The following BAHCC1 variants were observed in gnomAD, a reference collection of about 807,000 sequenced individuals.
BAHCC1 encodes the protein BAH domain and coiled-coil containing 1.
BAHCC1 carries 43 observed loss-of-function variants against 88.2 expected under a neutral mutation model. The observed-to-expected ratio is 0.49, with a 90% CI of 0.38 to 0.63. The LOEUF is 0.63. Ranked by LOEUF, BAHCC1 falls within the 20% of genes least tolerant of loss-of-function variation. The pLI, the probability that BAHCC1 is intolerant of heterozygous loss-of-function variation, is 0.00. For synonymous variants in BAHCC1, 1,510 were observed against 745.5 expected (o/e 2.03, Z -16.71); for missense variants, 3,023 against 1,654.8 (o/e 1.83, Z -14.34).
chr17:81,442,326 GC>G lies in BAHCC1; in HGVS notation c.983del (p.Pro328ArgfsTer60). ...GGGCGCTGTGCAAAGGAGGCAGCAG[GC>G]CCCCCGGAGCCCGGGCCGGCCTTCA... Reference protein sequence around the residue: ...TSGRCAKEAAGPPEPGPAFSE... With the variant: ...TSGRCAKEAAXPPEPGPAFSE... On this transcript the variant is annotated frameshift_variant, in exon 5 of 28. Coordinates refer to ENST00000675386, the MANE Select transcript of BAHCC1 (RefSeq NM_001377448.1). LOFTEE classifies it high-confidence loss of function. 7.4e-6 allele frequency: 5 copies of G among 679,362 alleles called. No homozygotes were observed. The highest frequency in any genetic ancestry group is 8.0e-6 in the Non-Finnish European group (3 of 373,488). 42.1% of individuals were successfully genotyped at this position (679,362 alleles called of 1,614,324 possible).
intron 1 of BAHCC1, among the ~76,000 whole-genome samples, chr17:81,398,456 A>AGCTGGGCGCCGCAGACCCTGGG (rs1330414872): frequency 2.0e-5 from 3 of 152,138 alleles, no homozygotes; most frequent in Non-Finnish European, 4.4e-5. Context: ...TAGAGGGCCG[A>AGCTGGGCGCCGCAGACCCTGGG]GCTGGGCGCC....
intron 11 of BAHCC1, among the ~76,000 whole-genome samples, chr17:81,449,815 C>T (rs1555655383): frequency 6.6e-6 from 1 of 152,190 alleles, no homozygotes; most frequent in Admixed American, 6.5e-5. Flanking sequence ...CGAGCACCTC[C>T]TGGCTTCTTA....
intron 14 of BAHCC1, among the ~76,000 whole-genome samples, chr17:81,453,634 G>T (rs557625731): frequency 4.0e-5 from 6 of 151,388 alleles, no homozygotes; most frequent in South Asian, 2.1e-4. Flanking sequence ...GTGTCTCCTG[G>T]GGGGGGGTCT....
chr17:81,432,700 TCC>T (rs2064278543), intron 3 of BAHCC1, among the ~76,000 whole-genome samples: 1 of 19,654 alleles, frequency 5.1e-5, no homozygotes. Flanking sequence ...CTCCCCCGCA[TCC>T]CCAGGCCCAC....
chr17:81,425,136 GA>G (rs1598471372), intron 2 of BAHCC1, among the ~76,000 whole-genome samples: 6 of 145,846 alleles, frequency 4.1e-5, no homozygotes, highest in African/African-American at 1.0e-4. Context: ...AGTGGTGGGT[GA>G]TGTGGTTGGG....
rs1217783410 is a variant in BAHCC1, at chr17:81,434,542, A to C, written c.359-3828A>C. 4.6e-5 allele frequency among the ~76,000 whole-genome samples: 7 copies of C among 152,058 alleles called. No homozygotes were observed. Among genetic ancestry groups the C allele is most frequent in the Non-Finnish European group, 7.4e-5 (5 of 68,002 alleles). On this transcript the variant is annotated intron_variant, in intron 3 of 27. Transcript: ENST00000675386. The surrounding 1 kb of genome is among the most constrained non-coding windows in gnomAD (Gnocchi z 4.9). Reference sequence around the variant, plus strand: ...CTGAGCCTGCAGCATCCTGGCCCTGAGCTCTGTGGCCCCAAGTGGGGCTTC... The same window carrying C: ...CTGAGCCTGCAGCATCCTGGCCCTGCGCTCTGTGGCCCCAAGTGGGGCTTC...
At position 81,452,003 on chromosome 17, in the gene BAHCC1, G is replaced by T; in HGVS notation, c.4212G>T (p.Leu1404=). ...CCCTGAAGGCCGCCATCGACCGGCT[G>T]GACACGCAGGAGGTGGGGATGCGCG... ...VCPLKAAIDR[L]DTQEVGMRVR... is the part of the protein sequence containing the mutation. Residue 1404 remains leucine (L), a synonymous_variant, in exon 13 of 28, where the codon CTG becomes CTT. Coordinates refer to ENST00000675386, the MANE Select transcript of BAHCC1 (RefSeq NM_001377448.1). The T allele has an allele frequency of 1.6e-6, 1 of 636,508 alleles. No individual in the cohort carries two copies. The allele number at this position is 636,508 out of a possible 1,614,324, so 39.4% of individuals were successfully genotyped here.
rs782200961 is a variant in BAHCC1, at chr17:81,452,123, C to T, written c.4316+16C>T. ...ACGACCATGAGTACGCCTGGCGTGG[C>T]GGGGGGGCCTGGGAGGGTCGCAGCA... On this transcript the variant is annotated intron_variant, in intron 13 of 27. Transcript: ENST00000675386. 6 of 605,088 alleles carry T rather than the reference C, an allele frequency of 9.9e-6. No individual in the cohort carries two copies. In the Admixed American group the frequency reaches 1.1e-4, roughly 12 times the overall value. 37.5% of individuals were successfully genotyped at this position (605,088 alleles called of 1,614,324 possible). A position where few individuals can be genotyped will look rare whatever the true frequency, so the allele number is the denominator to read the frequency against.
chr17:81,459,702 A>G (rs1555658595), intron 23 of BAHCC1, 98 bp downstream of exon 23: 4 of 708,476 alleles, frequency 5.6e-6, no homozygotes, highest in Non-Finnish European at 1.1e-5. Context: ...TGGCGAGGGC[A>G]GAACCAGCTC....
intron 2 of BAHCC1, among the ~76,000 whole-genome samples, chr17:81,412,099 G>A (rs1442167856): frequency 1.3e-5 from 2 of 152,192 alleles, no homozygotes; most frequent in Non-Finnish European, 2.9e-5. Context: ...GCTGGCTGTG[G>A]AGTGGCAGGA....
chr17:81,449,109 C>A (rs577859800), intron 11 of BAHCC1, among the ~76,000 whole-genome samples: 22 of 152,312 alleles, frequency 1.4e-4, no homozygotes, highest in African/African-American at 4.1e-4. Context: ...CCGTTCACTG[C>A]ATGAATACTC....
intron 3 of BAHCC1, among the ~76,000 whole-genome samples, chr17:81,429,731 C>T (rs2064239034): frequency 6.6e-6 from 1 of 152,192 alleles, no homozygotes; most frequent in Admixed American, 6.5e-5. Flanking sequence ...GAGGCAGGTG[C>T]CTGGCCAAGC....
intron 2 of BAHCC1, among the ~76,000 whole-genome samples, chr17:81,424,000 G>A (rs1555649933): frequency 2.6e-5 from 4 of 152,228 alleles, no homozygotes; most frequent in African/African-American, 7.2e-5. Context: ...AGAGGTGAGC[G>A]CCATCCGCAG....
chr17:81,445,486 C>T lies in BAHCC1; in HGVS notation c.2968C>T (p.Leu990=), dbSNP rs545149218. Residue 990 remains leucine (L), a synonymous_variant, in exon 10 of 28, where the codon CTG becomes TTG. Coordinates refer to ENST00000675386, the MANE Select transcript of BAHCC1 (RefSeq NM_001377448.1). ...CTCACCCGCTGCAGGCCCCACCAAG[C>T]TGCCACCTTGCTGCCATCCGCCCGA... ...APSPAAGPTK[L]PPCCHPPDPK... The T allele has an allele frequency of 1.5e-5, 11 of 751,548 alleles. No individual in the cohort carries two copies. In the East Asian group the frequency reaches 2.8e-4, roughly 19 times the overall value. The allele number at this position is 751,548 out of a possible 1,614,324, so 46.6% of individuals were successfully genotyped here.
At position 81,431,837 on chromosome 17, in the gene BAHCC1, C is replaced by T. The variant is rs901039712; in HGVS notation, c.358+4858C>T. ...CTTTGGAGTAGGTGTACCCTCTGCC[C>T]CGCAAGCTCCTGCTCTCCAGGAGCC... On this transcript the variant is annotated intron_variant, in intron 3 of 27. Coordinates refer to ENST00000675386, the MANE Select transcript of BAHCC1 (RefSeq NM_001377448.1). Among the ~76,000 whole-genome samples the T allele has an allele frequency of 3.1e-4, 47 of 152,318 alleles. 1 individual carries two copies. The highest frequency in any genetic ancestry group is 2.9e-3 in the East Asian group (15 of 5,186).
chr17:81,414,196 C>T (rs2063990650), intron 2 of BAHCC1, among the ~76,000 whole-genome samples: 1 of 152,214 alleles, frequency 6.6e-6, no homozygotes, highest in Admixed American at 6.5e-5. Flanking sequence ...AGAGCGGCTC[C>T]TCCCATGGCA....
At position 81,447,123 on chromosome 17, in the gene BAHCC1, A is replaced by G. The variant is rs2064544172; in HGVS notation, c.3251A>G (p.Glu1084Gly). The G allele has an allele frequency of 2.6e-6, 2 of 779,124 alleles. No individual in the cohort carries two copies. Among genetic ancestry groups the G allele is most frequent in the African/African-American group, 3.4e-5 (2 of 59,118 alleles). 48.3% of individuals were successfully genotyped at this position (779,124 alleles called of 1,614,324 possible). A position where few individuals can be genotyped will look rare whatever the true frequency, so the allele number is the denominator to read the frequency against. The change falls in exon 11 of 28, where the codon GAA becomes GGA. Residue 1084 changes from glutamate to glycine, a missense_variant. By Grantham distance (98) the Glu-to-Gly change is moderately conservative. Transcript: ENST00000675386. ...DVHSSNLEDP[E>G]TMQTTAPGAQ... is the part of the protein sequence containing the mutation. ...CACTCTTCTAACCTCGAGGACCCTG[A>G]AACTATGCAAACCACCGCCCCGGGG...
rs1421443761 is a variant in BAHCC1 at position 81,445,549 on chromosome 17, C to T, written c.3031C>T (p.Arg1011Trp). The change falls in exon 10 of 28, where the codon CGG (arginine) becomes TGG (tryptophan). Residue 1011 changes from arginine to tryptophan, a missense_variant. By Grantham distance (101) the Arg-to-Trp change is moderately radical (BLOSUM62 -3). Transcript: ENST00000675386. The part of the protein sequence containing the change: ...PPASSPTPPP[R>W]PSAPCTLNVC... Reference sequence around the variant, plus strand: ...CGCCAGCTCCCCCACCCCACCACCTCGGCCCAGCGCCCCGTGCACTTTAAA... The same window carrying T: ...CGCCAGCTCCCCCACCCCACCACCTTGGCCCAGCGCCCCGTGCACTTTAAA... 1.1e-5 allele frequency: 8 copies of T among 723,824 alleles called. No individual in the cohort carries two copies. Among genetic ancestry groups the T allele is most frequent in the Middle Eastern group, 2.7e-4 (1 of 3,670 alleles). 44.8% of individuals were successfully genotyped at this position (723,824 alleles called of 1,614,324 possible).
chr17:81,416,965 G>A (rs912184423), intron 2 of BAHCC1, among the ~76,000 whole-genome samples: 10 of 152,168 alleles, frequency 6.6e-5, no homozygotes, highest in Non-Finnish European at 1.2e-4. Context: ...GGGAGGCCTT[G>A]CACCCCCATC....
Sources: gnomAD v4.1 joint callset for allele counts (sites outside exome capture counted in the v4.1 genomes callset) on GRCh38, gnomAD v4.1.1 for gene constraint, Gnocchi (gnomAD v3.1) non-coding constraint, MANE v1.5 for transcripts, NCBI Gene and HGNC (gene_info 2026-07-23, HGNC 2026-07-21) for gene names.